OLFM3: variants seen among roughly 807,000 people sequenced by gnomAD.
OLFM3 encodes the protein noelin-3.
In OLFM3, 20 loss-of-function variants were observed where a neutral mutation model predicts 48.6. The ratio of observed to expected loss-of-function variants is 0.41; its 90% confidence interval spans 0.29 to 0.60. The LOEUF (loss-of-function observed/expected upper bound fraction) is 0.60. Among genes scored for constraint, OLFM3 ranks in the 20% least tolerant of loss-of-function variants. OLFM3 has a pLI of 0.28. For synonymous variants in OLFM3, 222 were observed against 198.1 expected (o/e 1.12, Z -1.01); for missense variants, 437 against 544.3 (o/e 0.80, Z 1.96).
chr1:101,883,439 A>G (rs1657615996), intron 1 of OLFM3, among the ~76,000 whole-genome samples: 3 of 151,804 alleles, frequency 2.0e-5, no homozygotes, highest in African/African-American at 7.3e-5. Flanking sequence ...AAATATTTCA[A>G]GCCATTTCTT....
At chr1:101,966,317 T>TTTTGTGTGTGTG (rs371512942) in intron 1 of OLFM3, among the ~76,000 whole-genome samples, 8,247 of 127,766 alleles carry the variant, frequency 0.065, 288 homozygotes, top group Middle Eastern at 0.097. Context: ...CCTGGCTAAT[T>TTTTGTGTGTGTG]TGTGTGTGTG....
Position 101,817,414 on chromosome 1 carries a change from A to C in OLFM3, c.592+7612T>G, listed in dbSNP as rs1017164389. ...ATGTACTGAAATATACATCTTACCA[A>C]ATGCAGTAATTGAAGAAAGTGACCG... is the stretch of plus-strand genomic sequence containing the variant. On this transcript the variant is annotated intron_variant, in intron 4 of 5. Coordinates refer to ENST00000370103, the MANE Select transcript of OLFM3 (RefSeq NM_058170.4). 7.9e-5 allele frequency among the ~76,000 whole-genome samples: 12 copies of C among 152,296 alleles called. 1 individual carries two copies. The Middle Eastern group carries it at 0.01, about 130-fold the overall frequency.
At chr1:101,957,650 T>C (rs1038218981) in intron 1 of OLFM3, among the ~76,000 whole-genome samples, 1 of 152,058 alleles carries the variant, frequency 6.6e-6, no homozygotes, top group Non-Finnish European at 1.5e-5. Flanking sequence ...TTTTCTTCCT[T>C]GAAATTTAAG....
At chr1:101,973,197 G>A (rs1660858495) in intron 1 of OLFM3, among the ~76,000 whole-genome samples, 1 of 152,198 alleles carries the variant, frequency 6.6e-6, no homozygotes, top group South Asian at 2.1e-4. Flanking sequence ...CGTCTGCAGT[G>A]GAGAAATAGG....
chr1:101,829,841 CT>C (rs58880163), intron 3 of OLFM3, among the ~76,000 whole-genome samples: 16 of 148,636 alleles, frequency 1.1e-4, no homozygotes, highest in South Asian at 2.1e-4. Context: ...TTTTTCTTTT[CT>C]TTTTTTTTTT....
At chr1:101,895,256 C>G (rs1310577702) in intron 1 of OLFM3, among the ~76,000 whole-genome samples, 1 of 151,986 alleles carries the variant, frequency 6.6e-6, no homozygotes, top group Non-Finnish European at 1.5e-5. Flanking sequence ...AATTCATTGT[C>G]TTTTTTCTGT....
At position 101,996,758 on chromosome 1, in the gene OLFM3, T is replaced by G; in HGVS notation, c.59A>C (p.Asp20Ala). The change falls in exon 1 of 6, where the codon GAT (aspartate) becomes GCT (alanine). Residue 20 changes from aspartate (D) to alanine (A), a missense_variant. Coordinates refer to ENST00000370103, the MANE Select transcript of OLFM3 (RefSeq NM_058170.4). ...LLLLSLFAGL[D>A]PSKTQISPKE... The stretch of plus-strand genomic sequence containing the variant: ...AAATATTGTTCATACCTTGGAAGGA[T>G]CTAATCCGGCAAACAAAGACAGCAG... 6.2e-7 allele frequency: 1 copy of G among 1,614,242 alleles called. No homozygotes were observed. The highest frequency in any genetic ancestry group is 8.5e-7 in the Non-Finnish European group (1 of 1,180,020).
At chr1:101,921,625 T>C (rs774342762) in intron 1 of OLFM3, among the ~76,000 whole-genome samples, 1 of 152,192 alleles carries the variant, frequency 6.6e-6, no homozygotes, top group Non-Finnish European at 1.5e-5. Flanking sequence ...TACAGAGGGG[T>C]AAATCTTTTA....
chr1:101,855,890 T>C (rs1191223720), intron 1 of OLFM3, among the ~76,000 whole-genome samples: 2 of 151,014 alleles, frequency 1.3e-5, no homozygotes, highest in Non-Finnish European at 2.9e-5. Flanking sequence ...AAGAACAAAA[T>C]TGGATCTTCA....
intron 1 of OLFM3, among the ~76,000 whole-genome samples, chr1:101,956,669 G>T (rs1453681337): frequency 6.6e-6 from 1 of 151,682 alleles, no homozygotes; most frequent in Non-Finnish European, 1.5e-5. Context: ...ATTTTATCTA[G>T]ACTTACTATA....
intron 1 of OLFM3, among the ~76,000 whole-genome samples, chr1:101,873,043 C>G (rs542686740): frequency 6.6e-6 from 1 of 152,026 alleles, no homozygotes; most frequent in South Asian, 2.1e-4. Flanking sequence ...ATACAACTTA[C>G]ATTTTCACAA....
chr1:101,949,930 T>TAAAAAA (rs1660076984), intron 1 of OLFM3, among the ~76,000 whole-genome samples: 10 of 21,650 alleles, frequency 4.6e-4, no homozygotes, highest in East Asian at 1.5e-3. Context: ...AGACTCCGTC[T>TAAAAAA]GAAAAAAAAA....
At chr1:101,949,659 G>A (rs12127159) in intron 1 of OLFM3, among the ~76,000 whole-genome samples, 65,410 of 151,848 alleles carry the variant, frequency 0.43, 16,009 homozygotes, top group Middle Eastern at 0.61. Context: ...GGCCTGGCGC[G>A]GTGGCTCACG....
At chr1:101,983,367 G>A (rs150563087) in intron 1 of OLFM3, among the ~76,000 whole-genome samples, 1 of 152,134 alleles carries the variant, frequency 6.6e-6, no homozygotes, top group African/African-American at 2.4e-5. Context: ...TCTGCTATAG[G>A]TCCCCCACTC....
At chr1:101,851,388 A>G (rs1656215762) in intron 1 of OLFM3, among the ~76,000 whole-genome samples, 2 of 152,184 alleles carry the variant, frequency 1.3e-5, no homozygotes, top group South Asian at 4.1e-4. Context: ...CAAATGCAAA[A>G]TAAATGGCAA....
In OLFM3 at chr1:101,811,603, C is replaced by T. The variant is rs1274250320; in HGVS notation, c.593-5421G>A. Among the ~76,000 whole-genome samples the T allele has an allele frequency of 2.6e-5, 4 of 152,020 alleles. No individual in the cohort carries two copies. The East Asian group carries it at 7.7e-4, about 29-fold the overall frequency. On this transcript the variant is annotated intron_variant, in intron 4 of 5. Transcript: ENST00000370103. ...ATGAAAAAATGCTCATCATCACTGG[C>T]CATCAGAGAAATGCAAATCAAAACC... is the stretch of plus-strand genomic sequence containing the variant.
rs116345751 is a variant in OLFM3, at chr1:101,807,135, T to C, written c.593-953A>G. Reference sequence around the variant, plus strand: ...TTTTATTTATTTTAAGTTCAACTTTTATTTTAGGGATACATGTGCAGGTTT... The same window carrying C: ...TTTTATTTATTTTAAGTTCAACTTTCATTTTAGGGATACATGTGCAGGTTT... On this transcript the variant is annotated intron_variant, in intron 4 of 5. Coordinates refer to ENST00000370103, the MANE Select transcript of OLFM3 (RefSeq NM_058170.4). Among the ~76,000 whole-genome samples, 938 of 151,918 alleles carry C rather than the reference T, an allele frequency of 6.2e-3. 11 individuals are homozygous for C. Among genetic ancestry groups the C allele is most frequent in the African/African-American group, 0.022 (901 of 41,514 alleles).
rs190561430 is a variant in OLFM3, at chr1:101,884,853, C to T, written c.70-47828G>A. Among the ~76,000 whole-genome samples, 12 of 152,052 alleles carry T rather than the reference C, an allele frequency of 7.9e-5. No individual in the cohort carries two copies. The East Asian group carries it at 1.9e-3, about 25-fold the overall frequency. ...CTGGCCACCCGCAACCCCATGAGTT[C>T]AATACCAAAGACCTCAAAGTGTTCT... On this transcript the variant is annotated intron_variant, in intron 1 of 5. Transcript: ENST00000370103.
intron 1 of OLFM3, among the ~76,000 whole-genome samples, chr1:101,993,715 G>A (rs897259674): frequency 5.3e-5 from 8 of 152,044 alleles, no homozygotes; most frequent in Non-Finnish European, 7.4e-5. Flanking sequence ...ATTAATTAGT[G>A]TGGATTGCCT....
Sources: gnomAD v4.1 joint callset for allele counts (sites outside exome capture counted in the v4.1 genomes callset) on GRCh38, gnomAD v4.1.1 for gene constraint, MANE v1.5 for transcripts, NCBI Gene and HGNC (gene_info 2026-07-23, HGNC 2026-07-21) for gene names.